The following EPHB1 variants were observed in gnomAD, a reference collection of about 807,000 sequenced individuals.
The protein encoded by EPHB1 is EPH receptor B1, also known as ephrin type-B receptor 1.
A neutral mutation model predicts 94.4 loss-of-function variants in EPHB1; 30 were observed. The observed-to-expected ratio is 0.32, with a 90% CI of 0.24 to 0.43. The LOEUF (loss-of-function observed/expected upper bound fraction) is 0.43. EPHB1 is among the 20% of genes least tolerant of loss of function. The pLI, the probability that EPHB1 is intolerant of heterozygous loss-of-function variation, is 1.00. For synonymous variants in EPHB1, 522 were observed against 489.1 expected (o/e 1.07, Z -0.89); for missense variants, 1,055 against 1,308.3 (o/e 0.81, Z 2.99).
At chr3:135,208,292 TGTGTG>T (rs1559875502) in intron 12 of EPHB1, among the ~76,000 whole-genome samples, 2,662 of 109,092 alleles carry the variant, frequency 0.024, 46 homozygotes, top group South Asian at 0.062. Flanking sequence ...TTTCATGACG[TGTGTG>T]TGTGTGTGTG....
intron 4 of EPHB1, among the ~76,000 whole-genome samples, chr3:135,112,216 C>A (rs184934034): frequency 7.1e-4 from 108 of 152,204 alleles, no homozygotes; most frequent in South Asian, 3.3e-3. Flanking sequence ...GGGTGATGGG[C>A]CCCAGCTCAC....
intron 1 of EPHB1, among the ~76,000 whole-genome samples, chr3:134,854,529 G>A (rs2037068830): frequency 6.6e-6 from 1 of 152,060 alleles, no homozygotes; most frequent in South Asian, 2.1e-4. Flanking sequence ...TTTACTGTGA[G>A]GGTGTCACTG....
At chr3:134,823,944 C>T (rs375537244) in intron 1 of EPHB1, 2 of 152,256 alleles carry the variant, frequency 1.3e-5, no homozygotes, top group African/African-American at 4.8e-5. Flanking sequence ...ATGCGGAAGG[C>T]CTTCCATCAG....
At chr3:135,118,441 T>A (rs984223777) in intron 4 of EPHB1, among the ~76,000 whole-genome samples, 1 of 152,240 alleles carries the variant, frequency 6.6e-6, no homozygotes, top group African/African-American at 2.4e-5. Flanking sequence ...GTATTACAAC[T>A]GGTTCCAATT....
chr3:135,201,394 C>A lies in EPHB1; in HGVS notation c.2131-80C>A. ...CCTGGAGCAGACAGAAGCTGACAAG[C>A]AGCAGGGCCACAACATCTCTCCCTC... is the stretch of plus-strand genomic sequence containing the variant. On this transcript the variant is annotated intron_variant, in intron 11 of 15. Coordinates refer to ENST00000398015, the MANE Select transcript of EPHB1 (RefSeq NM_004441.5). The A allele has an allele frequency of 4.2e-6, 6 of 1,440,048 alleles. No homozygotes were observed. The East Asian group carries it at 6.8e-5, about 16-fold the overall frequency. The allele number at this position is 1,440,048 out of a possible 1,614,324, so 89.2% of individuals were successfully genotyped here.
intron 3 of EPHB1, among the ~76,000 whole-genome samples, chr3:134,972,578 A>T (rs983725009): frequency 1.4e-5 from 2 of 143,698 alleles, no homozygotes; most frequent in Admixed American, 7.0e-5. Context: ...TTAAATATAT[A>T]TAATGTATAT....
At chr3:134,915,667 C>T (rs750587851) in intron 1 of EPHB1, among the ~76,000 whole-genome samples, 3 of 152,156 alleles carry the variant, frequency 2.0e-5, no homozygotes, top group Non-Finnish European at 4.4e-5. Context: ...TTCGTGGTCT[C>T]GCTGGCTCAG....
At chr3:134,888,577 A>T (rs978496331) in intron 1 of EPHB1, among the ~76,000 whole-genome samples, 1 of 151,986 alleles carries the variant, frequency 6.6e-6, no homozygotes, top group African/African-American at 2.4e-5. Context: ...GTGTGGTGGC[A>T]TGTGCCTGTA....
rs1471283387 is a variant in EPHB1, at chr3:135,155,780, A to G, written c.1422+1504A>G. On this transcript the variant is annotated intron_variant, in intron 6 of 15. Transcript: ENST00000398015. ...ACTCCAGTGTGGGTGACAGAGCAAGACTTTGTCAAAAAAAAAAAAAAAAAA... is the reference window on the plus strand; with the variant it reads ...ACTCCAGTGTGGGTGACAGAGCAAGGCTTTGTCAAAAAAAAAAAAAAAAAA... Among the ~76,000 whole-genome samples, 38 of 107,876 alleles carry G rather than the reference A, an allele frequency of 3.5e-4. 2 individuals are homozygous for G. Among genetic ancestry groups the G allele is most frequent in the African/African-American group, 9.7e-4 (21 of 21,734 alleles). 70.8% of individuals were successfully genotyped at this position (107,876 alleles called of 152,430 possible).
intron 4 of EPHB1, among the ~76,000 whole-genome samples, chr3:135,126,813 C>G (rs1199473050): frequency 2.0e-5 from 3 of 152,188 alleles, no homozygotes; most frequent in Non-Finnish European, 2.9e-5. Context: ...TAGGTATGGG[C>G]TCCTACATCA....
intron 9 of EPHB1, among the ~76,000 whole-genome samples, chr3:135,174,739 A>G (rs987462346): frequency 6.6e-6 from 1 of 152,218 alleles, no homozygotes; most frequent in Non-Finnish European, 1.5e-5. Context: ...CTCCAAACAC[A>G]TAAAACCCCT....
chr3:134,840,436 C>A (rs1043279282), intron 1 of EPHB1: 3 of 152,070 alleles, frequency 2.0e-5, no homozygotes, highest in Admixed American at 2.0e-4. Flanking sequence ...GACAAAAATG[C>A]ATTTTTTTTT....
At chr3:134,914,153 C>T (rs540319983) in intron 1 of EPHB1, among the ~76,000 whole-genome samples, 9 of 152,158 alleles carry the variant, frequency 5.9e-5, no homozygotes, top group South Asian at 2.1e-4. Flanking sequence ...CAAGGTCCAC[C>T]CTTCAAAGTG....
intron 10 of EPHB1, among the ~76,000 whole-genome samples, chr3:135,189,887 AT>A (rs1242231500): frequency 1.3e-5 from 2 of 152,256 alleles, no homozygotes; most frequent in Admixed American, 1.3e-4. Flanking sequence ...TGTGAAAGAC[AT>A]CTGCCTGTTA....
Position 134,813,189 on chromosome 3 carries a change from T to G in EPHB1, c.58+17500T>G, listed in dbSNP as rs183666126. On this transcript the variant is annotated intron_variant, in intron 1 of 15. Transcript: ENST00000398015. ...GCCAGGACCTCAGAAAGTGGGCTTT[T>G]GTTAGGGGAGTGTGTGCGCCTCAGC... Among the ~76,000 whole-genome samples the G allele has an allele frequency of 3.2e-3, 481 of 152,324 alleles. 3 individuals carry two copies. The highest frequency in any genetic ancestry group is 0.011 in the African/African-American group (458 of 41,572).
chr3:134,854,336 G>A (rs2037062201), intron 1 of EPHB1, among the ~76,000 whole-genome samples: 1 of 152,068 alleles, frequency 6.6e-6, no homozygotes, highest in Non-Finnish European at 1.5e-5. Flanking sequence ...TTTGGGAGGA[G>A]GAGATGATCT....
At chr3:135,171,130 T>A (rs1246560553) in intron 9 of EPHB1, among the ~76,000 whole-genome samples, 1 of 152,118 alleles carries the variant, frequency 6.6e-6, no homozygotes, top group Non-Finnish European at 1.5e-5. Flanking sequence ...CATTCACATT[T>A]GAATTCAGTG....
intron 1 of EPHB1, among the ~76,000 whole-genome samples, chr3:134,845,576 G>T (rs969810226): frequency 6.6e-6 from 1 of 151,940 alleles, no homozygotes; most frequent in African/African-American, 2.4e-5. Flanking sequence ...CCTCTTTGCC[G>T]TGGCTTCGAG....
At chr3:134,999,021 G>T (rs1935089629) in intron 3 of EPHB1, among the ~76,000 whole-genome samples, 1 of 152,156 alleles carries the variant, frequency 6.6e-6, no homozygotes, top group South Asian at 2.1e-4. Flanking sequence ...GGCTGACTGG[G>T]CTGGGAAGAC....
Sources: allele counts gnomAD v4.1 joint callset (sites outside exome capture counted in the v4.1 genomes callset), GRCh38; gene constraint gnomAD v4.1.1; transcripts MANE v1.5; gene names NCBI Gene and HGNC (gene_info 2026-07-23, HGNC 2026-07-21).